The following RRP15 variants were observed in gnomAD, a reference collection of about 807,000 sequenced individuals.
RRP15 encodes the protein ribosomal RNA processing 15 homolog.
A neutral mutation model predicts 27.1 loss-of-function variants in RRP15; 18 were observed. That is an observed-to-expected ratio of 0.66 (90% CI 0.46 to 0.98). The LOEUF is 0.98. RRP15 is among the 50% of genes least tolerant of loss of function. The probability of loss-of-function intolerance (pLI) is 0.00; values close to 1 mark genes in which losing one functional copy is unlikely to be tolerated. For synonymous variants in RRP15, 107 were observed against 109.4 expected, an observed-to-expected ratio of 0.98 and a Z score of 0.14; for missense variants, 359 against 337.8, an observed-to-expected ratio of 1.06 and a Z score of -0.49.
Position 218,307,433 on chromosome 1 carries a change from G to A in RRP15, c.506G>A (p.Gly169Asp). ...TCTGGTCATTTTATATTCTACAGGG[G>A]TGTGGTGCAATTATTTAATGCTGTT... Reference protein sequence around the residue: ...ERNLQRIATRGVVQLFNAVQK... With the variant: ...ERNLQRIATRDVVQLFNAVQK... Residue 169 changes from glycine (G) to aspartate (D), a missense_variant and splice_region_variant, in exon 4 of 5, where the codon GGT becomes GAT. By Grantham distance (94) the Gly-to-Asp change is moderately conservative. Transcript: ENST00000366932. 2 of 1,612,334 alleles carry A rather than the reference G, an allele frequency of 1.2e-6. No homozygotes were observed. The highest frequency in any genetic ancestry group is 1.7e-6 in the Non-Finnish European group (2 of 1,178,590).
intron 1 of RRP15, among the ~76,000 whole-genome samples, chr1:218,289,388 A>G (rs1413639374): frequency 1.3e-5 from 2 of 152,220 alleles, no homozygotes; most frequent in Non-Finnish European, 2.9e-5. Context: ...GCAAGATGTT[A>G]TCTGTTATTC....
intron 2 of RRP15, among the ~76,000 whole-genome samples, chr1:218,304,307 C>T (rs1484245905): frequency 6.6e-6 from 1 of 152,064 alleles, no homozygotes; most frequent in Admixed American, 6.6e-5. Context: ...AAATGTTGGC[C>T]TGAGAAGGAG....
rs145914864 is a variant in RRP15 at position 218,302,307 on chromosome 1, G to A, written c.153G>A (p.Ser51=). Reference sequence around the variant, plus strand: ...TTGGTTCTATAGGAAGCTGTGGATCGGAAAAGGACCACTTTTATTCTGATG... The same window carrying A: ...TTGGTTCTATAGGAAGCTGTGGATCAGAAAAGGACCACTTTTATTCTGATG... The part of the protein sequence containing the change: ...DTSDSEGSCG[S]EKDHFYSDDD... The change falls in exon 2 of 5, where the codon TCG becomes TCA. Residue 51 remains serine, a synonymous_variant. Transcript: ENST00000366932. 32 of 1,612,182 alleles carry A rather than the reference G, an allele frequency of 2.0e-5. No homozygotes were observed. The highest frequency in any genetic ancestry group is 1.3e-4 in the Admixed American group (8 of 59,874).
chr1:218,318,593 AT>A (rs1656126048), intron 4 of RRP15, among the ~76,000 whole-genome samples: 1 of 152,064 alleles, frequency 6.6e-6, no homozygotes. Context: ...GCTTGCTGAG[AT>A]TTAGGTTAAA....
chr1:218,302,582 T>C (rs528151989), intron 2 of RRP15, 23 bp downstream of exon 2: 4 of 1,602,202 alleles, frequency 2.5e-6, no homozygotes, highest in African/African-American at 2.7e-5. Flanking sequence ...AGTTCTCTTG[T>C]AGATTAGATT....
rs998366476 is a variant in RRP15 at position 218,336,725 on chromosome 1, T to C, written c.*5634T>C. 2.0e-5 allele frequency: 3 copies of C among 152,224 alleles called. No individual in the cohort carries two copies. The highest frequency in any genetic ancestry group is 7.2e-5 in the African/African-American group (3 of 41,456). The allele number at this position is 152,224 out of a possible 1,614,324, so 9.4% of individuals were successfully genotyped here. ...AAGACTGTTTCTACACAATAATATT[T>C]GTCTTTGTACAGCAACACTGGGTTC... On this transcript the variant is annotated 3_prime_UTR_variant, in exon 5 of 5. Transcript: ENST00000366932.
intron 1 of RRP15, among the ~76,000 whole-genome samples, chr1:218,295,507 G>T (rs1338899956): frequency 6.6e-6 from 1 of 152,134 alleles, no homozygotes; most frequent in Non-Finnish European, 1.5e-5. Flanking sequence ...TGTGAAAAAT[G>T]GCCATCTACT....
chr1:218,304,792 GC>G (rs1288433535), intron 2 of RRP15, among the ~76,000 whole-genome samples: 1 of 152,094 alleles, frequency 6.6e-6, no homozygotes, highest in East Asian at 1.9e-4. Flanking sequence ...AGCTCTCCAG[GC>G]CCCTGCTGTC....
rs148245547 is a variant in RRP15 at position 218,304,549 on chromosome 1, C to A, written c.406-479C>A. Among the ~76,000 whole-genome samples the A allele has an allele frequency of 1.6e-4, 24 of 152,356 alleles. No homozygotes were observed. The East Asian group carries it at 4.2e-3, about 27-fold the overall frequency. On this transcript the variant is annotated intron_variant, in intron 2 of 4. Coordinates refer to ENST00000366932, the MANE Select transcript of RRP15 (RefSeq NM_016052.4). ...ATGATTCTCTGCATAGAAAAATAGT[C>A]ATTGTATAAGTATCTGGATACGATG...
intron 1 of RRP15, among the ~76,000 whole-genome samples, chr1:218,300,537 C>T (rs933920752): frequency 6.6e-6 from 1 of 152,138 alleles, no homozygotes; most frequent in Non-Finnish European, 1.5e-5. Flanking sequence ...CTTTTTATGG[C>T]TTAAAGTCAA....
chr1:218,312,460 ATACTGT>A, intron 4 of RRP15, among the ~76,000 whole-genome samples: 1 of 152,088 alleles, frequency 6.6e-6, no homozygotes, highest in Non-Finnish European at 1.5e-5. Context: ...ATGAAAAAAG[ATACTGT>A]TAGTGGATGT....
intron 1 of RRP15, among the ~76,000 whole-genome samples, chr1:218,291,601 G>C (rs1042796336): frequency 1.3e-4 from 17 of 135,968 alleles, no homozygotes; most frequent in African/African-American, 4.3e-4. Context: ...GTGCTATCTC[G>C]GTTCACCACA....
chr1:218,315,283 A>G (rs964150821), intron 4 of RRP15, among the ~76,000 whole-genome samples: 3 of 152,174 alleles, frequency 2.0e-5, no homozygotes, highest in Admixed American at 6.5e-5. Flanking sequence ...ACTTAGACCC[A>G]GACTCCAAAT....
At chr1:218,323,453 A>G (rs1656220164) in intron 4 of RRP15, among the ~76,000 whole-genome samples, 1 of 152,112 alleles carries the variant, frequency 6.6e-6, no homozygotes, top group African/African-American at 2.4e-5. Context: ...TGGGCCTTAG[A>G]GGAGAGGAAC....
chr1:218,320,608 C>G (rs188260483), intron 4 of RRP15, among the ~76,000 whole-genome samples: 1 of 152,016 alleles, frequency 6.6e-6, no homozygotes, highest in Non-Finnish European at 1.5e-5. Flanking sequence ...CCAAATAGAA[C>G]CGCTTTGAAC....
chr1:218,288,963 T>C (rs543913859), intron 1 of RRP15, among the ~76,000 whole-genome samples: 1 of 152,340 alleles, frequency 6.6e-6, no homozygotes, highest in South Asian at 2.1e-4. Context: ...GTACTACCTT[T>C]CAGAGTGACT....
chr1:218,285,662 TTC>T (rs1027877243), intron 1 of RRP15, among the ~76,000 whole-genome samples: 7 of 152,114 alleles, frequency 4.6e-5, no homozygotes, highest in African/African-American at 1.7e-4. Flanking sequence ...AGTTTCCACA[TTC>T]TTTTACTAGG....
At chr1:218,313,261 T>C (rs1166920319) in intron 4 of RRP15, among the ~76,000 whole-genome samples, 2 of 152,124 alleles carry the variant, frequency 1.3e-5, no homozygotes, top group African/African-American at 2.4e-5. Context: ...TTGCCATAAT[T>C]AAAGCAAGGG....
In RRP15 at chr1:218,331,148, C is replaced by T. The variant is rs1656361883; in HGVS notation, c.*57C>T. The T allele has an allele frequency of 1.3e-6, 2 of 1,492,922 alleles. No individual in the cohort carries two copies. Among genetic ancestry groups the T allele is most frequent in the Non-Finnish European group, 1.8e-6 (2 of 1,101,356 alleles). The allele number at this position is 1,492,922 out of a possible 1,614,324, so 92.5% of individuals were successfully genotyped here. A position where few individuals can be genotyped will look rare whatever the true frequency, so the allele number is the denominator to read the frequency against. On this transcript the variant is annotated 3_prime_UTR_variant, in exon 5 of 5. Transcript: ENST00000366932. ...TATTTTTTCTAGAAAAATATGTCAT[C>T]CTCTGATAGTTGGGGAATTATAAGG... is the stretch of plus-strand genomic sequence containing the variant.
Sources: allele counts gnomAD v4.1 joint callset (sites outside exome capture counted in the v4.1 genomes callset), GRCh38; gene constraint gnomAD v4.1.1; transcripts MANE v1.5; gene names NCBI Gene and HGNC (gene_info 2026-07-23, HGNC 2026-07-21).